Variants in MIA2 observed in about 807,000 individuals in gnomAD.
MIA2 encodes the protein MIA SH3 domain ER export factor 2, also known as melanoma inhibitory activity protein 2.
In MIA2, 127 loss-of-function variants were observed where a neutral mutation model predicts 167.8. That is an observed-to-expected ratio of 0.76 (90% CI 0.66 to 0.88). MIA2 has a LOEUF of 0.88. MIA2 is among the 40% of genes least tolerant of loss of function. The pLI, the probability that MIA2 is intolerant of heterozygous loss-of-function variation, is 0.00. For synonymous variants in MIA2, 552 were observed against 541.9 expected (o/e 1.02, Z -0.26); for missense variants, 1,690 against 1,624.7 (o/e 1.04, Z -0.69).
At chr14:39,279,118 G>A (rs1000247199) in intron 7 of MIA2, among the ~76,000 whole-genome samples, 2 of 133,814 alleles carry the variant, frequency 1.5e-5, no homozygotes, top group Non-Finnish European at 3.0e-5. Context: ...CTGAGATCGC[G>A]TCATTGCACT....
chr14:39,306,443 A>G (rs1479960654), intron 17 of MIA2, among the ~76,000 whole-genome samples: 1 of 152,096 alleles, frequency 6.6e-6, no homozygotes, highest in Admixed American at 6.5e-5. Flanking sequence ...GGGAGGTGTT[A>G]CACACTTTAA....
rs776881300 is a variant in MIA2 at position 39,299,912 on chromosome 14, A to G, written c.2545A>G (p.Lys849Glu). 1 of 1,609,242 alleles carries G rather than the reference A, an allele frequency of 6.2e-7. No individual in the cohort carries two copies. The highest frequency in any genetic ancestry group is 1.1e-5 in the South Asian group (1 of 89,748). The stretch of plus-strand genomic sequence containing the variant: ...GAAAGAACAAGTGAGTGAACTTAAT[A>G]AACAGAAAGTAACATTTGAAGACTC... ...VWKEQVSELN[K>E]QKVTFEDSKV... Residue 849 changes from lysine (K) to glutamate (E), a missense_variant, in exon 14 of 29, where the codon AAA (lysine) becomes GAA (glutamate). By Grantham distance (56) the Lys-to-Glu change is moderately conservative (BLOSUM62 1). Transcript: ENST00000640607.
chr14:39,344,237 T>C (rs541958475), intron 25 of MIA2, among the ~76,000 whole-genome samples: 37 of 152,310 alleles, frequency 2.4e-4, no homozygotes, highest in African/African-American at 8.2e-4. Flanking sequence ...GGATATAATT[T>C]AGAAGCAAAA....
At chr14:39,277,090 A>G in intron 7 of MIA2, 25 bp downstream of exon 7, 3 of 1,593,448 alleles carry the variant, frequency 1.9e-6, no homozygotes, top group Non-Finnish European at 2.6e-6. Context: ...CTATACTAAG[A>G]GAATGTTCAT....
chr14:39,324,373 G>A (rs1043897435), intron 24 of MIA2, among the ~76,000 whole-genome samples: 4 of 152,128 alleles, frequency 2.6e-5, no homozygotes, highest in African/African-American at 4.8e-5. Flanking sequence ...AAGATTTGGG[G>A]AACTTAATAG....
At chr14:39,348,221 A>G (rs1047645412) in intron 27 of MIA2, among the ~76,000 whole-genome samples, 1 of 152,156 alleles carries the variant, frequency 6.6e-6, no homozygotes, top group Non-Finnish European at 1.5e-5. Context: ...TTTTTGATTA[A>G]TATACTTTCT....
intron 9 of MIA2, among the ~76,000 whole-genome samples, chr14:39,288,671 T>C (rs2060294796): frequency 6.7e-6 from 1 of 150,212 alleles, no homozygotes; most frequent in African/African-American, 2.5e-5. Flanking sequence ...CCATGTTGGC[T>C]AGGATGGTCT....
intron 6 of MIA2, among the ~76,000 whole-genome samples, chr14:39,261,762 G>A (rs1829185203): frequency 6.6e-6 from 1 of 152,082 alleles, no homozygotes; most frequent in African/African-American, 2.4e-5. Flanking sequence ...ATTTTTTCAT[G>A]TGTCTGTTGG....
chr14:39,288,982 C>G (rs1338868873), intron 9 of MIA2, among the ~76,000 whole-genome samples: 2 of 152,070 alleles, frequency 1.3e-5, no homozygotes, highest in South Asian at 4.1e-4. Flanking sequence ...TGATGCTGGA[C>G]TCATAAAATG....
chr14:39,306,429 A>G (rs1360866185), intron 17 of MIA2, among the ~76,000 whole-genome samples: 1 of 152,080 alleles, frequency 6.6e-6, no homozygotes, highest in African/African-American at 2.4e-5. Context: ...GAAGAGAGTG[A>G]AGGGGGAGGT....
intron 14 of MIA2, among the ~76,000 whole-genome samples, chr14:39,300,673 G>C (rs1409878407): frequency 1.9e-5 from 2 of 102,898 alleles, no homozygotes; most frequent in African/African-American, 3.8e-5. Flanking sequence ...GTTGTGGGGT[G>C]GGGGGAGGGG....
chr14:39,291,119 T>G, intron 10 of MIA2, 23 bp downstream of exon 10: 1 of 1,570,106 alleles, frequency 6.4e-7, no homozygotes, highest in Non-Finnish European at 8.6e-7. Context: ...ATGGTATAAT[T>G]TTAAAAGCTG....
At chr14:39,368,303 T>A (rs1472398360) in intron 23 of MIA2, among the ~76,000 whole-genome samples, 1 of 152,162 alleles carries the variant, frequency 6.6e-6, no homozygotes, top group South Asian at 2.1e-4. Context: ...TAAACAGTCT[T>A]AGTGCATCTC....
At chr14:39,334,470 T>TG (rs201526031) in intron 25 of MIA2, among the ~76,000 whole-genome samples, 2,825 of 149,994 alleles carry the variant, frequency 0.019, 95 homozygotes, top group African/African-American at 0.066. Flanking sequence ...AGAGACTCTC[T>TG]CAAAAAAAAA....
intron 23 of MIA2, chr14:39,385,502 C>T (rs1013632856): frequency 6.1e-5 from 53 of 865,784 alleles, no homozygotes; most frequent in African/African-American, 1.3e-4. Context: ...TGTGTCACAG[C>T]GTAGTCCACT....
chr14:39,328,950 C>A (rs546718542), intron 25 of MIA2, among the ~76,000 whole-genome samples: 1 of 152,020 alleles, frequency 6.6e-6, no homozygotes, highest in Non-Finnish European at 1.5e-5. Flanking sequence ...GATATATGGG[C>A]TTTTTTTTGC....
intron 2 of MIA2, among the ~76,000 whole-genome samples, chr14:39,239,298 T>C (rs2053935958): frequency 6.6e-6 from 1 of 152,104 alleles, no homozygotes; most frequent in African/African-American, 2.4e-5. Context: ...ATAATCCCAG[T>C]GCTTTGGGAA....
downstream of MIA2, among the ~76,000 whole-genome samples, chr14:39,353,111 C>A (rs558321461): frequency 2.6e-5 from 4 of 152,116 alleles, no homozygotes; most frequent in East Asian, 7.7e-4. Context: ...GTGAGTGTTA[C>A]TTGCATAGAC....
intron 17 of MIA2, 61 bp downstream of exon 17, chr14:39,304,442 A>T: frequency 1.2e-6 from 1 of 854,518 alleles, no homozygotes; most frequent in Non-Finnish European, 1.8e-6. Flanking sequence ...CTTGGCAGAG[A>T]ATGGTAAAAA....
Sources: gnomAD v4.1 joint callset for allele counts (sites outside exome capture counted in the v4.1 genomes callset) on GRCh38, gnomAD v4.1.1 for gene constraint, MANE v1.5 for transcripts, NCBI Gene and HGNC (gene_info 2026-07-23, HGNC 2026-07-21) for gene names.